The following PLPPR1 variants were observed in gnomAD, a reference collection of about 807,000 sequenced individuals.
PLPPR1 encodes phospholipid phosphatase-related protein type 1.
A neutral mutation model predicts 33.1 loss-of-function variants in PLPPR1; 10 were observed. That is an observed-to-expected ratio of 0.30 (90% CI 0.19 to 0.51). The LOEUF (loss-of-function observed/expected upper bound fraction) is 0.51, where lower values mean the gene tolerates loss of function less well. PLPPR1 is among the 20% of genes least tolerant of loss of function. The pLI is 0.97. For missense variants in PLPPR1, 304 were observed against 408.1 expected (o/e 0.74, Z 2.20); for synonymous variants, 151 against 151.0 (o/e 1.00, Z 0.00).
intron 1 of PLPPR1, among the ~76,000 whole-genome samples, chr9:101,089,888 C>G (rs1830722085): frequency 6.6e-6 from 1 of 152,062 alleles, no homozygotes; most frequent in Non-Finnish European, 1.5e-5. Context: ...TATTAGTTGT[C>G]CAGGGCTGCA....
intron 1 of PLPPR1, among the ~76,000 whole-genome samples, chr9:101,081,386 G>T (rs1588020197): frequency 6.6e-6 from 1 of 151,920 alleles, no homozygotes; most frequent in African/African-American, 2.4e-5. Flanking sequence ...GTAGAGATGG[G>T]GTTTTACCAT....
rs144617114 is a variant in PLPPR1 at position 101,241,498 on chromosome 9, G to A, written c.64-28382G>A. On this transcript the variant is annotated intron_variant, in intron 2 of 7. Transcript: ENST00000374874. The stretch of plus-strand genomic sequence containing the variant: ...TTTGTGTTGGGCCACATTCAAAGCC[G>A]TCCTGAGCCACATGCAGCCTATGGG... Among the ~76,000 whole-genome samples the A allele has an allele frequency of 5.9e-3, 904 of 152,190 alleles. 15 individuals carry two copies. The highest frequency in any genetic ancestry group is 6.6e-3 in the Non-Finnish European group (451 of 67,962).
At chr9:101,291,488 C>A (rs1290070384) in intron 4 of PLPPR1, among the ~76,000 whole-genome samples, 2 of 152,226 alleles carry the variant, frequency 1.3e-5, no homozygotes, top group Non-Finnish European at 2.9e-5. Flanking sequence ...ACTGCCTCCT[C>A]AAGTGGGTCC....
At chr9:101,242,868 C>G (rs10989452) in intron 2 of PLPPR1, among the ~76,000 whole-genome samples, 10,889 of 152,060 alleles carry the variant, frequency 0.072, 483 homozygotes, top group South Asian at 0.22. Context: ...TAATGGTGAG[C>G]ATTGTCATGC....
intron 2 of PLPPR1, 119 bp from the exon 3 acceptor site, chr9:101,269,761 C>T: frequency 1.1e-6 from 1 of 940,486 alleles, no homozygotes; most frequent in Non-Finnish European, 1.7e-6. Context: ...CACGCACACA[C>T]TCGCCAATAC....
chr9:101,270,195 G>A, intron 3 of PLPPR1, 127 bp downstream of exon 3: 1 of 936,540 alleles, frequency 1.1e-6, no homozygotes, highest in East Asian at 2.6e-5. Context: ...TCCTATTTCA[G>A]CCAAAACAGA....
chr9:101,163,259 C>G (rs944937286), intron 1 of PLPPR1, among the ~76,000 whole-genome samples: 1 of 152,148 alleles, frequency 6.6e-6, no homozygotes, highest in Non-Finnish European at 1.5e-5. Context: ...AAATAGAGAA[C>G]TGAACTACAA....
intron 1 of PLPPR1, among the ~76,000 whole-genome samples, chr9:101,121,250 T>C (rs963939374): frequency 2.0e-5 from 3 of 152,220 alleles, no homozygotes; most frequent in African/African-American, 7.2e-5. Context: ...TTAGCATTCA[T>C]TGAGCTCCTA....
chr9:101,203,969 A>G (rs377525431), intron 2 of PLPPR1, among the ~76,000 whole-genome samples: 61 of 152,192 alleles, frequency 4.0e-4, no homozygotes, highest in African/African-American at 1.4e-3. Flanking sequence ...TACTGGCCTG[A>G]TTAAGTGGTC....
At chr9:101,291,604 A>T (rs1205507387) in intron 4 of PLPPR1, among the ~76,000 whole-genome samples, 1 of 152,186 alleles carries the variant, frequency 6.6e-6, no homozygotes, top group African/African-American at 2.4e-5. Flanking sequence ...TTCCAGAGGA[A>T]TGATCAGACA....
chr9:101,297,833 A>G (rs1035845898), intron 4 of PLPPR1, among the ~76,000 whole-genome samples: 1 of 152,120 alleles, frequency 6.6e-6, no homozygotes, highest in Non-Finnish European at 1.5e-5. Context: ...TTGCTACTAC[A>G]TTACATTGTG....
At chr9:101,281,356 G>A (rs1270205908) in intron 3 of PLPPR1, among the ~76,000 whole-genome samples, 2 of 152,056 alleles carry the variant, frequency 1.3e-5, no homozygotes, top group African/African-American at 4.8e-5. Flanking sequence ...CAGATTCAGT[G>A]CAATTCCTAT....
intron 3 of PLPPR1, among the ~76,000 whole-genome samples, chr9:101,275,528 A>C (rs909206030): frequency 6.6e-6 from 1 of 152,172 alleles, no homozygotes; most frequent in African/African-American, 2.4e-5. Flanking sequence ...GTTTAGCCCA[A>C]AGTGGCAGTC....
intron 6 of PLPPR1, among the ~76,000 whole-genome samples, chr9:101,313,463 AACCCTGCAGATGATC>A: frequency 6.6e-6 from 1 of 152,122 alleles, no homozygotes; most frequent in African/African-American, 2.4e-5. Flanking sequence ...AAATTTTAAA[AACCCTGCAGATGATC>A]ACACCCGCCC....
chr9:101,188,927 C>A (rs931369784), intron 2 of PLPPR1, among the ~76,000 whole-genome samples: 4 of 151,758 alleles, frequency 2.6e-5, no homozygotes, highest in Admixed American at 2.6e-4. Flanking sequence ...TTGAATTTAC[C>A]TGTATTCATC....
intron 6 of PLPPR1, 124 bp downstream of exon 6, chr9:101,313,098 C>A (rs1345782175): frequency 3.6e-6 from 3 of 824,014 alleles, no homozygotes; most frequent in Admixed American, 2.5e-5. Context: ...TACAATTATT[C>A]TCCAAGTATT....
At chr9:101,313,445 C>T (rs969825773) in intron 6 of PLPPR1, among the ~76,000 whole-genome samples, 3 of 152,186 alleles carry the variant, frequency 2.0e-5, no homozygotes, top group African/African-American at 4.8e-5. Context: ...GTTGCATCTC[C>T]TACTCGGAAA....
chr9:101,129,533 T>C (rs1564152823), intron 1 of PLPPR1, among the ~76,000 whole-genome samples: 1 of 150,194 alleles, frequency 6.7e-6, no homozygotes. Flanking sequence ...GCAATAGCAA[T>C]AAAAAAAAAG....
rs1012817357 is a variant in PLPPR1 at position 101,156,910 on chromosome 9, A to G, written c.-45-28540A>G. The stretch of plus-strand genomic sequence containing the variant: ...CAAGGTTAAGATAATAAAGGTCCCT[A>G]TATGACATATAAAGAAGCTTAAACT... On this transcript the variant is annotated intron_variant, in intron 1 of 7. Transcript: ENST00000374874. Among the ~76,000 whole-genome samples the G allele has an allele frequency of 3.7e-4, 18 of 49,040 alleles. No homozygotes were observed. In the East Asian group the frequency reaches 6.3e-3, roughly 17 times the overall value. 32.2% of individuals were successfully genotyped at this position (49,040 alleles called of 152,430 possible). A position where few individuals can be genotyped will look rare whatever the true frequency, so the allele number is the denominator to read the frequency against.
Sources: allele counts gnomAD v4.1 joint callset (sites outside exome capture counted in the v4.1 genomes callset), GRCh38; gene constraint gnomAD v4.1.1; transcripts MANE v1.5; gene names NCBI Gene and HGNC (gene_info 2026-07-23, HGNC 2026-07-21).